PSMC5: variants seen among roughly 807,000 people sequenced by gnomAD.
PSMC5 encodes 26S proteasome regulatory subunit 8.
A neutral mutation model predicts 49.1 loss-of-function variants in PSMC5; 11 were observed. The ratio of observed to expected loss-of-function variants is 0.22; its 90% CI spans 0.14 to 0.37. The LOEUF (loss-of-function observed/expected upper bound fraction) is 0.37, where lower values mean the gene tolerates loss of function less well. PSMC5 is among the 10% of genes least tolerant of loss of function. The pLI, the probability that PSMC5 is intolerant of heterozygous loss-of-function variation, is 1.00. For synonymous variants in PSMC5, 206 were observed against 192.2 expected, an observed-to-expected ratio of 1.07 and a Z score of -0.59; for missense variants, 229 against 520.9, an observed-to-expected ratio of 0.44 and a Z score of 5.45.
chr17:63,827,933 G>T, intron 1 of PSMC5: 1 of 1,341,682 alleles, frequency 7.5e-7, no homozygotes, highest in Non-Finnish European at 9.9e-7. Context: ...GGTAGGCGGC[G>T]TTCCCATTCT....
In PSMC5 at chr17:63,828,214, G is replaced by A; in HGVS notation, c.96+5G>A. On this transcript the variant is annotated splice_donor_5th_base_variant and intron_variant, in intron 2 of 11. Coordinates refer to ENST00000310144, the MANE Select transcript of PSMC5 (RefSeq NM_002805.6). ...TCCAAGATTGAAGAACTCCAGGTGAGGACGGACTCCAGAGGGAGCTAGGAA... is the reference window on the plus strand; with the variant it reads ...TCCAAGATTGAAGAACTCCAGGTGAAGACGGACTCCAGAGGGAGCTAGGAA... 6.2e-7 allele frequency: 1 copy of A among 1,613,962 alleles called. No individual in the cohort carries two copies. Among genetic ancestry groups the A allele is most frequent in the South Asian group, 1.1e-5 (1 of 91,054 alleles).
In PSMC5 at chr17:63,829,904, G is replaced by A. The variant is rs776200204; in HGVS notation, c.219G>A (p.Val73=). The A allele has an allele frequency of 5.6e-6, 9 of 1,613,578 alleles. No homozygotes were observed. Among genetic ancestry groups the A allele is most frequent in the Non-Finnish European group, 7.6e-6 (9 of 1,179,788 alleles). ...LQLLQEQGSY[V]GEVVRAMDKK... ...TGCTGCAGGAGCAGGGCTCCTATGT[G>A]GGGGAAGTAGTCCGGGCCATGGATA... The change falls in exon 4 of 12, where the codon GTG becomes GTA. Residue 73 remains valine, a synonymous_variant. Transcript: ENST00000310144.
chr17:63,828,385 C>T (rs927393174), intron 2 of PSMC5, 176 bp downstream of exon 2: 2 of 604,956 alleles, frequency 3.3e-6, no homozygotes, highest in East Asian at 2.9e-5. Context: ...CTCTTGTTCT[C>T]CTCCAGTCCC....
At position 63,830,526 on chromosome 17, in the gene PSMC5, G is replaced by C. The variant is rs1400059752; in HGVS notation, c.552+25G>C. 1.9e-6 allele frequency: 3 copies of C among 1,611,366 alleles called. No homozygotes were observed. The East Asian group carries it at 6.7e-5, about 36-fold the overall frequency. On this transcript the variant is annotated intron_variant, in intron 6 of 11. Transcript: ENST00000310144. This position sits in a 1 kb window ranked among gnomAD's most constrained non-coding sequence, Gnocchi z 4.0. ...GGTGAGGAGCAGGGCTTCTCTGAGA[G>C]GGCCAAGCTGTACTTACTCCTCCTG... is the stretch of plus-strand genomic sequence containing the variant.
intron 1 of PSMC5, 180 bp from the exon 2 acceptor site, chr17:63,827,958 G>A: frequency 7.7e-7 from 1 of 1,302,074 alleles, no homozygotes; most frequent in Non-Finnish European, 1.0e-6. Context: ...TTTTAGTCCT[G>A]GGAAAATGGA....
rs763268547 is a variant in PSMC5 at position 63,830,345 on chromosome 17, C to T, written c.396C>T (p.Asp132=). The change falls in exon 6 of 12, where the codon GAC becomes GAT. Residue 132 remains aspartate, a synonymous_variant. Coordinates refer to ENST00000310144, the MANE Select transcript of PSMC5 (RefSeq NM_002805.6). The surrounding 1 kb of genome is among the most constrained non-coding windows in gnomAD (Gnocchi z 4.0). ...ACAAGATCCTGCCCAACAAGGTAGA[C>T]CCATTAGTGTCACTGATGATGGTGG... ...TLHKILPNKV[D]PLVSLMMVEK... The T allele has an allele frequency of 5.0e-6, 8 of 1,613,962 alleles. No homozygotes were observed. The African/African-American group carries it at 9.3e-5, about 19-fold the overall frequency.
chr17:63,827,476 T>A lies in PSMC5; in HGVS notation c.-15T>A. 6.4e-7 allele frequency: 1 copy of A among 1,551,716 alleles called. No homozygotes were observed. Among genetic ancestry groups the A allele is most frequent in the Non-Finnish European group, 8.7e-7 (1 of 1,147,004 alleles). ...AGACGGCTCGGATGCCGGCGGTCTCTGCTGAAGAGAGAAGATGGCGCTTGA... is the reference window on the plus strand; with the variant it reads ...AGACGGCTCGGATGCCGGCGGTCTCAGCTGAAGAGAGAAGATGGCGCTTGA... On this transcript the variant is annotated 5_prime_UTR_variant, in exon 1 of 12. Coordinates refer to ENST00000310144, the MANE Select transcript of PSMC5 (RefSeq NM_002805.6).
At chr17:63,829,786 G>A (rs1055941695) in intron 3 of PSMC5, 66 bp from the exon 4 acceptor site, 50 of 1,508,430 alleles carry the variant, frequency 3.3e-5, no homozygotes, top group South Asian at 1.1e-4. Flanking sequence ...GCTCATGCAC[G>A]TAGAATTGGG....
Position 63,831,238 on chromosome 17 carries a change from G to A in PSMC5, c.870+12G>A. ...CCAAGAACATCAAGGTAAGGTGGTA[G>A]CATCCTTGGGATGGGCCCAGGGAAG... is the stretch of plus-strand genomic sequence containing the variant. On this transcript the variant is annotated intron_variant, in intron 8 of 11. Coordinates refer to ENST00000310144, the MANE Select transcript of PSMC5 (RefSeq NM_002805.6). This position sits in a 1 kb window ranked among gnomAD's most constrained non-coding sequence, Gnocchi z 6.3. The A allele has an allele frequency of 6.3e-7, 1 of 1,594,756 alleles. No individual in the cohort carries two copies.
At chr17:63,827,928 G>A in intron 1 of PSMC5, 1 of 1,355,030 alleles carries the variant, frequency 7.4e-7, no homozygotes, top group Non-Finnish European at 9.8e-7. Context: ...TATGAGGTAG[G>A]CGGCGTTCCC....
At chr17:63,828,904 G>T (rs954129007) in intron 2 of PSMC5, 1 of 154,400 alleles carries the variant, frequency 6.5e-6, no homozygotes. Context: ...TTGTTCAAGT[G>T]TCAACTGTAA....
rs764279550 is a variant in PSMC5, at chr17:63,829,846, A to G, written c.167-6A>G. On this transcript the variant is annotated splice_polypyrimidine_tract_variant and splice_region_variant and intron_variant, in intron 3 of 11. Coordinates refer to ENST00000310144, the MANE Select transcript of PSMC5 (RefSeq NM_002805.6). ...TAGGTGACCACTGTGTCTGTTTGCC[A>G]TCTAGTTCGCCTATTGCGGGAGGAG... 8 of 1,613,982 alleles carry G rather than the reference A, an allele frequency of 5.0e-6. No homozygotes were observed. In the African/African-American group the frequency reaches 8.0e-5, roughly 16 times the overall value.
intron 3 of PSMC5, 100 bp downstream of exon 3, chr17:63,829,663 C>T: frequency 3.0e-6 from 4 of 1,315,948 alleles, no homozygotes; most frequent in South Asian, 2.6e-5. Context: ...ACTGTTTTCT[C>T]CCTGTCATCA....
At chr17:63,829,707 G>A (rs1280114773) in intron 3 of PSMC5, 144 bp downstream of exon 3, 2 of 1,209,262 alleles carry the variant, frequency 1.7e-6, no homozygotes, top group Non-Finnish European at 2.4e-6. Context: ...TTTTTCCTGA[G>A]CCCTATTGTA....
chr17:63,831,585 T>C lies in PSMC5; in HGVS notation c.1049T>C (p.Leu350Pro). Reference sequence around the variant, plus strand: ...ATCAACCTGAGAAAAATTGCTGAGCTCATGCCAGGAGCATCAGGGGCTGAA... The same window carrying C: ...ATCAACCTGAGAAAAATTGCTGAGCCCATGCCAGGAGCATCAGGGGCTGAA... Reference protein sequence around the residue: ...RGINLRKIAELMPGASGAEVK... With the variant: ...RGINLRKIAEPMPGASGAEVK... The change falls in exon 10 of 12, where the codon CTC becomes CCC. Residue 350 changes from leucine to proline, a missense_variant. Transcript: ENST00000310144. This position sits in a 1 kb window ranked among gnomAD's most constrained non-coding sequence, Gnocchi z 6.3. 1 of 1,614,116 alleles carries C rather than the reference T, an allele frequency of 6.2e-7. No individual in the cohort carries two copies. Among genetic ancestry groups the C allele is most frequent in the Non-Finnish European group, 8.5e-7 (1 of 1,180,024 alleles).
Position 63,831,959 on chromosome 17 carries a change from T to A in PSMC5, c.1211T>A (p.Leu404Ter). Residue 404 changes from leucine (L) to a stop codon, truncating the protein, a stop_gained, in exon 12 of 12, where the codon TTA becomes TAA. Coordinates refer to ENST00000310144, the MANE Select transcript of PSMC5 (RefSeq NM_002805.6). LOFTEE classifies it high-confidence loss of function. The surrounding 1 kb of genome is among the most constrained non-coding windows in gnomAD (Gnocchi z 6.3). ...GAGAAAAACATGTCCATCAAGAAATTATGGAAGTGAGTGGACAGCCTTTGT... is the reference window on the plus strand; with the variant it reads ...GAGAAAAACATGTCCATCAAGAAATAATGGAAGTGAGTGGACAGCCTTTGT... ...DSEKNMSIKK[L>*]WK 6.2e-7 allele frequency: 1 copy of A among 1,613,878 alleles called. No individual in the cohort carries two copies. Among genetic ancestry groups the A allele is most frequent in the Admixed American group, 1.7e-5 (1 of 60,026 alleles).
chr17:63,831,250 T>C lies in PSMC5; in HGVS notation c.870+24T>C. ...AGGTAAGGTGGTAGCATCCTTGGGATGGGCCCAGGGAAGGCCTGGGTGCCA... is the reference window on the plus strand; with the variant it reads ...AGGTAAGGTGGTAGCATCCTTGGGACGGGCCCAGGGAAGGCCTGGGTGCCA... On this transcript the variant is annotated intron_variant, in intron 8 of 11. Transcript: ENST00000310144. This position sits in a 1 kb window ranked among gnomAD's most constrained non-coding sequence, Gnocchi z 6.3. 1.3e-6 allele frequency: 2 copies of C among 1,599,798 alleles called. No homozygotes were observed. Among genetic ancestry groups the C allele is most frequent in the Non-Finnish European group, 1.7e-6 (2 of 1,170,924 alleles).
chr17:63,829,469 G>A (rs2040154504), intron 2 of PSMC5, 25 bp from the exon 3 acceptor site: 1 of 1,550,628 alleles, frequency 6.4e-7, no homozygotes, highest in Admixed American at 2.0e-5. Context: ...CTTGAATAAT[G>A]GAATTTGTCT....
In PSMC5 at chr17:63,829,864, G is replaced by C. The variant is rs758226061; in HGVS notation, c.179G>C (p.Arg60Pro). 3 of 1,614,008 alleles carry C rather than the reference G, an allele frequency of 1.9e-6. No individual in the cohort carries two copies. The highest frequency in any genetic ancestry group is 2.5e-6 in the Non-Finnish European group (3 of 1,180,032). Reference protein sequence around the residue: ...NELNAKVRLLREELQLLQEQG... With the variant: ...NELNAKVRLLPEELQLLQEQG... Reference sequence around the variant, plus strand: ...GTTTGCCATCTAGTTCGCCTATTGCGGGAGGAGCTACAGCTGCTGCAGGAG... The same window carrying C: ...GTTTGCCATCTAGTTCGCCTATTGCCGGAGGAGCTACAGCTGCTGCAGGAG... Residue 60 changes from arginine to proline, a missense_variant, in exon 4 of 12, where the codon CGG (arginine) becomes CCG (proline). Physicochemically the swap from Arg to Pro is moderately radical, Grantham distance 103. This residue lies in a region of PSMC5 where 98 missense variants were observed against 144.0 expected (regional missense o/e 0.68). Transcript: ENST00000310144.
Sources: allele counts gnomAD v4.1 joint callset, GRCh38; gene constraint gnomAD v4.1.1; regional missense constraint gnomAD v4.1.1; non-coding constraint Gnocchi (gnomAD v3.1); transcripts MANE v1.5; gene names NCBI Gene and HGNC (gene_info 2026-07-23, HGNC 2026-07-21).